CACNA1A: variants seen among roughly 807,000 people sequenced by gnomAD.
CACNA1A encodes the protein calcium voltage-gated channel subunit alpha1 A.
A neutral mutation model predicts 262.4 loss-of-function variants in CACNA1A; 57 were observed. That is an observed-to-expected ratio of 0.22 (90% CI 0.18 to 0.27). CACNA1A has a LOEUF of 0.27. Ranked by LOEUF, CACNA1A falls within the 10% of genes least tolerant of loss-of-function variation. CACNA1A has a pLI of 1.00. For synonymous variants in CACNA1A, 1,431 were observed against 1,419.3 expected (o/e 1.01, Z -0.18); for missense variants, 2,526 against 3,562.8 (o/e 0.71, Z 7.41).
chr19:13,375,321 C>T (rs2144575815), intron 3 of CACNA1A, among the ~76,000 whole-genome samples: 1 of 152,264 alleles, frequency 6.6e-6, no homozygotes, highest in African/African-American at 2.4e-5. Flanking sequence ...ATTTCCCCAT[C>T]TCTCCCGCTT....
At chr19:13,255,778 T>TCTCTCCCTCCC (rs2056545781) in intron 28 of CACNA1A, among the ~76,000 whole-genome samples, 1 of 99,712 alleles carries the variant, frequency 1.0e-5, no homozygotes, top group Non-Finnish European at 2.0e-5. Flanking sequence ...CCTCCCTCCT[T>TCTCTCCCTCCC]TCCTTCCTTC....
At chr19:13,377,434 A>G (rs929732125) in intron 3 of CACNA1A, among the ~76,000 whole-genome samples, 82 of 148,672 alleles carry the variant, frequency 5.5e-4, no homozygotes, top group African/African-American at 1.9e-3. Flanking sequence ...ATCTTGGCTC[A>G]CTGCAACCTC....
chr19:13,278,192 T>C (rs774846750), intron 22 of CACNA1A, among the ~76,000 whole-genome samples: 49 of 151,880 alleles, frequency 3.2e-4, no homozygotes, highest in Non-Finnish European at 7.1e-4. Context: ...AGGCACATCC[T>C]TCCCCTGCTT....
rs1040692291 is a variant in CACNA1A, at chr19:13,207,082, G to C, written c.*231C>G. On this transcript the variant is annotated 3_prime_UTR_variant, in exon 47 of 47. Transcript: ENST00000360228. The surrounding 1 kb of genome is among the most constrained non-coding windows in gnomAD (Gnocchi z 5.7). ...CGAGAGCCCCTGTCGTGGGTGGGGG[G>C]ATCGGGGCTGGTTGGGGGGCGCCGT... 12 of 388,282 alleles carry C rather than the reference G, an allele frequency of 3.1e-5. No individual in the cohort carries two copies. Among genetic ancestry groups the C allele is most frequent in the Non-Finnish European group, 5.5e-5 (12 of 216,232 alleles). The allele number at this position is 388,282 out of a possible 1,614,324, so 24.1% of individuals were successfully genotyped here.
intron 22 of CACNA1A, 145 bp from the exon 23 acceptor site, chr19:13,277,273 A>C: frequency 1.7e-6 from 1 of 596,950 alleles, no homozygotes; most frequent in Non-Finnish European, 3.1e-6. Context: ...CAGGGCGTGC[A>C]CTGCACAAGG....
intron 10 of CACNA1A, among the ~76,000 whole-genome samples, chr19:13,324,307 T>C (rs1034469487): frequency 6.6e-6 from 1 of 150,484 alleles, no homozygotes; most frequent in Non-Finnish European, 1.5e-5. Context: ...GAGGAGTAAG[T>C]TTTAGTGATC....
chr19:13,229,857 AT>A, intron 36 of CACNA1A: 1 of 441,138 alleles, frequency 2.3e-6, no homozygotes, highest in East Asian at 3.4e-5. Context: ...GCCCTCCCTC[AT>A]TTCCCAGAAA....
At position 13,299,118 on chromosome 19, in the gene CACNA1A, G is replaced by A. The variant is rs1363229294; in HGVS notation, c.2515C>T (p.Arg839Trp). ...TGGTCCACGGTGGGCTCGGCCGCCC[G>A]GCTCTTGTTGGTGTTGTTGTTGCGG... is the stretch of plus-strand genomic sequence containing the variant. Reference protein sequence around the residue: ...ENRNNNTNKSRAAEPTVDQRL... With the variant: ...ENRNNNTNKSWAAEPTVDQRL... The change falls in exon 19 of 47, where the codon CGG becomes TGG. Residue 839 changes from arginine (R) to tryptophan (W), a missense_variant. By Grantham distance (101) the Arg-to-Trp change is moderately radical. This residue lies in a region of CACNA1A where 765 missense variants were observed against 748.6 expected (regional missense o/e 1.02). Coordinates refer to ENST00000360228, the MANE Select transcript of CACNA1A (RefSeq NM_001127222.2). 6.2e-7 allele frequency: 1 copy of A among 1,612,742 alleles called. No homozygotes were observed. The highest frequency in any genetic ancestry group is 8.5e-7 in the Non-Finnish European group (1 of 1,179,748).
At chr19:13,479,856 A>G (rs1979046090) in intron 1 of CACNA1A, among the ~76,000 whole-genome samples, 1 of 152,204 alleles carries the variant, frequency 6.6e-6, no homozygotes, top group African/African-American at 2.4e-5. Context: ...GCTAATATAT[A>G]ATAACATATA....
chr19:13,461,340 AAAAACAAAACAAAACAAAACAAAAC>A (rs59561044), intron 1 of CACNA1A, among the ~76,000 whole-genome samples: 1 of 148,074 alleles, frequency 6.8e-6, no homozygotes, highest in Non-Finnish European at 1.5e-5. Flanking sequence ...ACTCCGTCTC[AAAAACAAAACAAAACAAAACAAAAC>A]AAAACAAAAC....
intron 31 of CACNA1A, chr19:13,244,977 G>C: frequency 6.8e-6 from 4 of 590,176 alleles, no homozygotes; most frequent in Non-Finnish European, 1.2e-5. Context: ...GCCAAGCTTT[G>C]GTTACCCCCA....
chr19:13,463,463 T>C (rs1006110851), intron 1 of CACNA1A, among the ~76,000 whole-genome samples: 3 of 152,184 alleles, frequency 2.0e-5, no homozygotes, highest in South Asian at 2.1e-4. Flanking sequence ...AGGGATGGCA[T>C]GCTAACAAGG....
At chr19:13,213,605 TACTC>T in intron 40 of CACNA1A, 1 of 150,294 alleles carries the variant, frequency 6.7e-6, no homozygotes, top group South Asian at 2.1e-4. Context: ...CACACAGTAA[TACTC>T]AATAAGTGTT....
rs775485336 is a variant in CACNA1A at position 13,299,074 on chromosome 19, G to A, written c.2559C>T (p.Arg853=). The change falls in exon 19 of 47, where the codon CGC becomes CGT. Residue 853 remains arginine (R), a synonymous_variant. Transcript: ENST00000360228. ...PTVDQRLGQQ[R]AEDFLRKQAR... ...CCTGTTTCCTGAGGAAGTCCTCGGC[G>A]CGCTGCTGGCCGAGGCGCTGGTCCA... 2 of 1,609,108 alleles carry A rather than the reference G, an allele frequency of 1.2e-6. No individual in the cohort carries two copies. Among genetic ancestry groups the A allele is most frequent in the Non-Finnish European group, 1.7e-6 (2 of 1,179,234 alleles).
chr19:13,491,618 C>T (rs964203395), intron 1 of CACNA1A, among the ~76,000 whole-genome samples: 8 of 152,172 alleles, frequency 5.3e-5, no homozygotes, highest in African/African-American at 1.7e-4. Context: ...TGCAGCTGGT[C>T]CTAAAGCTTG....
chr19:13,425,100 G>A (rs1039702346), intron 3 of CACNA1A, among the ~76,000 whole-genome samples: 1 of 152,164 alleles, frequency 6.6e-6, no homozygotes, highest in Non-Finnish European at 1.5e-5. Context: ...CACTGCGCCT[G>A]GCCCAGACAT....
In CACNA1A at chr19:13,506,015, G is replaced by A. The variant is rs1417918847; in HGVS notation, c.210C>T (p.Asn70=). The A allele has an allele frequency of 6.2e-7, 1 of 1,613,882 alleles. No individual in the cohort carries two copies. Among genetic ancestry groups the A allele is most frequent in the African/African-American group, 1.3e-5 (1 of 74,930 alleles). Residue 70 remains asparagine (N), a synonymous_variant, in exon 1 of 47, where the codon AAC becomes AAT. Transcript: ENST00000360228. ...ALYNPIPVRQ[N]CLTVNRSLFL... is the part of the protein sequence containing the mutation. Reference sequence around the variant, plus strand: ...AGAGAGACCGGTTAACCGTGAGGCAGTTCTGTCGGACGGGGATGGGGTTGT... The same window carrying A: ...AGAGAGACCGGTTAACCGTGAGGCAATTCTGTCGGACGGGGATGGGGTTGT...
chr19:13,421,213 G>A (rs1249049873), intron 3 of CACNA1A, among the ~76,000 whole-genome samples: 1 of 152,162 alleles, frequency 6.6e-6, no homozygotes, highest in Non-Finnish European at 1.5e-5. Flanking sequence ...CAACCTGCAT[G>A]GCTAACCTTG....
chr19:13,434,439 A>C (rs1460253437), intron 3 of CACNA1A, among the ~76,000 whole-genome samples: 2 of 152,120 alleles, frequency 1.3e-5, no homozygotes, highest in Non-Finnish European at 2.9e-5. Flanking sequence ...TCCGCAACCA[A>C]ATCTTATGGC....
Sources: gnomAD v4.1 joint callset for allele counts (sites outside exome capture counted in the v4.1 genomes callset) on GRCh38, gnomAD v4.1.1 for gene constraint, gnomAD v4.1.1 regional missense constraint, Gnocchi (gnomAD v3.1) non-coding constraint, MANE v1.5 for transcripts, NCBI Gene and HGNC (gene_info 2026-07-23, HGNC 2026-07-21) for gene names.